SEMA6D: variants seen among roughly 807,000 people sequenced by gnomAD.
SEMA6D encodes semaphorin 6D, also known as semaphorin-6D.
A neutral mutation model predicts 106.6 loss-of-function variants in SEMA6D; 35 were observed. The observed-to-expected ratio is 0.33, with a 90% confidence interval of 0.25 to 0.44. The LOEUF (loss-of-function observed/expected upper bound fraction) is 0.44. SEMA6D is among the 20% of genes least tolerant of loss of function. The probability of loss-of-function intolerance (pLI) is 1.00; values close to 1 mark genes in which losing one functional copy is unlikely to be tolerated. For missense variants in SEMA6D, 1,185 were observed against 1,345.9 expected (o/e 0.88, Z 1.87); for synonymous variants, 499 against 487.7 (o/e 1.02, Z -0.31).
At chr15:47,686,930 A>C (rs8026338) in intron 4 of SEMA6D, among the ~76,000 whole-genome samples, 1 of 151,550 alleles carries the variant, frequency 6.6e-6, no homozygotes, top group Non-Finnish European at 1.5e-5. Context: ...TCTAAGAGGG[A>C]TGGCTTGTAC....
intron 4 of SEMA6D, among the ~76,000 whole-genome samples, chr15:47,702,508 C>T (rs1429319796): frequency 6.6e-6 from 1 of 152,202 alleles, no homozygotes; most frequent in Non-Finnish European, 1.5e-5. Flanking sequence ...CCAACAATCG[C>T]ACATTTTAGT....
intron 1 of SEMA6D, among the ~76,000 whole-genome samples, chr15:47,355,700 TAAAG>T (rs1309876849): frequency 1.3e-5 from 2 of 152,122 alleles, no homozygotes; most frequent in Non-Finnish European, 2.9e-5. Context: ...AAGGAAAAAA[TAAAG>T]AACCCAATAC....
chr15:47,272,879 G>A (rs932926506), intron 1 of SEMA6D: 5 of 152,192 alleles, frequency 3.3e-5, no homozygotes, highest in Admixed American at 6.6e-5. Flanking sequence ...GGAAATTTTT[G>A]TGAGGAATTT....
At chr15:47,295,945 A>G (rs368433708) in intron 1 of SEMA6D, among the ~76,000 whole-genome samples, 3 of 152,248 alleles carry the variant, frequency 2.0e-5, no homozygotes, top group South Asian at 2.1e-4. Context: ...TGCTGCCTCC[A>G]TGACTAGCCT....
intron 1 of SEMA6D, among the ~76,000 whole-genome samples, chr15:47,734,359 T>G (rs1436982532): frequency 6.6e-6 from 1 of 152,200 alleles, no homozygotes; most frequent in Non-Finnish European, 1.5e-5. Context: ...GTAGCATCAG[T>G]TTCCTGGGTA....
At chr15:47,632,149 C>A (rs2077304073) in intron 4 of SEMA6D, among the ~76,000 whole-genome samples, 1 of 151,616 alleles carries the variant, frequency 6.6e-6, no homozygotes, top group Admixed American at 6.6e-5. Flanking sequence ...AGTTTGATTC[C>A]ATTTTGGTCA....
intron 2 of SEMA6D, among the ~76,000 whole-genome samples, chr15:47,450,514 TC>T (rs899831889): frequency 6.6e-6 from 1 of 152,102 alleles, no homozygotes; most frequent in African/African-American, 2.4e-5. Flanking sequence ...AGGTGGGCTT[TC>T]TTCTCAGAAA....
intron 4 of SEMA6D, among the ~76,000 whole-genome samples, chr15:47,674,078 C>T (rs1035154588): frequency 6.6e-6 from 1 of 152,124 alleles, no homozygotes; most frequent in East Asian, 1.9e-4. Context: ...ATGGGACAGC[C>T]GTGTCTCAAC....
chr15:47,500,502 A>G (rs1596165059), intron 3 of SEMA6D, among the ~76,000 whole-genome samples: 1 of 152,272 alleles, frequency 6.6e-6, no homozygotes, highest in Middle Eastern at 3.4e-3. Flanking sequence ...TATAAATTTA[A>G]TAAAAACAGA....
At chr15:47,715,707 C>G (rs1297721259), upstream of SEMA6D, among the ~76,000 whole-genome samples, 1 of 152,206 alleles carries the variant, frequency 6.6e-6, no homozygotes, top group African/African-American at 2.4e-5. Flanking sequence ...GCAAATTGCA[C>G]TCTTCAGGTG....
At chr15:47,358,710 G>A (rs1472554502) in intron 1 of SEMA6D, among the ~76,000 whole-genome samples, 1 of 152,244 alleles carries the variant, frequency 6.6e-6, no homozygotes, top group African/African-American at 2.4e-5. Context: ...CAGCACCAGT[G>A]TGCATGGAGA....
chr15:47,250,563 G>A (rs1362607343), intron 1 of SEMA6D, among the ~76,000 whole-genome samples: 5 of 152,078 alleles, frequency 3.3e-5, no homozygotes, highest in South Asian at 2.1e-4. Flanking sequence ...CTTTCTTTAC[G>A]TAATTTTTCA....
chr15:47,758,442 TGA>T (rs956794258), intron 1 of SEMA6D, among the ~76,000 whole-genome samples: 6 of 151,050 alleles, frequency 4.0e-5, no homozygotes, highest in African/African-American at 1.2e-4. Context: ...CAGTTTTGGT[TGA>T]GGGGGGGGTG....
chr15:47,214,000 T>C (rs935202797), intron 1 of SEMA6D, among the ~76,000 whole-genome samples: 5 of 152,158 alleles, frequency 3.3e-5, no homozygotes, highest in Admixed American at 2.6e-4. Flanking sequence ...TCTGGCATGC[T>C]GGTGGTGGCT....
intron 1 of SEMA6D, among the ~76,000 whole-genome samples, chr15:47,331,481 G>A (rs1004620636): frequency 3.3e-5 from 5 of 151,992 alleles, no homozygotes; most frequent in Non-Finnish European, 5.9e-5. Flanking sequence ...AATTATATAG[G>A]GAAATGTTAA....
rs73392889 is a variant in SEMA6D, at chr15:47,691,168, T to C, written c.-54-68577T>C. ...GATGATGTTCACTTTGATCACTTGG[T>C]TAAAGCAGAGTCTTCCATGTTGCTC... On this transcript the variant is annotated intron_variant, in intron 4 of 19. Transcript: ENST00000558014. Among the ~76,000 whole-genome samples, 1,100 of 152,322 alleles carry C rather than the reference T, an allele frequency of 7.2e-3. 11 individuals carry two copies. Among genetic ancestry groups the C allele is most frequent in the African/African-American group, 0.026 (1,065 of 41,572 alleles).
At chr15:47,491,935 CT>C (rs1260406279) in intron 3 of SEMA6D, among the ~76,000 whole-genome samples, 1 of 152,138 alleles carries the variant, frequency 6.6e-6, no homozygotes, top group Non-Finnish European at 1.5e-5. Context: ...GCTTCTACTC[CT>C]TTCTATTGTA....
intron 1 of SEMA6D, chr15:47,395,491 G>A (rs577594742): frequency 8.5e-5 from 13 of 152,230 alleles, no homozygotes; most frequent in Admixed American, 2.0e-4. Context: ...AAGACCCTTC[G>A]TTAATTATTG....
In SEMA6D at chr15:47,764,995, A is replaced by T; in HGVS notation, c.1366A>T (p.Ser456Cys). ...GGTACTTAAAGTTCTGGCAAAGACCAGTCCTTTCTCTTTGAACGACAGCGT... is the reference window on the plus strand; with the variant it reads ...GGTACTTAAAGTTCTGGCAAAGACCTGTCCTTTCTCTTTGAACGACAGCGT... ...GMVLKVLAKT[S>C]PFSLNDSVLL... Residue 456 changes from serine to cysteine, a missense_variant, in exon 13 of 19, where the codon AGT becomes TGT. Coordinates refer to ENST00000536845, the MANE Select transcript of SEMA6D (RefSeq NM_001358351.3). 6.2e-7 allele frequency: 1 copy of T among 1,613,944 alleles called. No homozygotes were observed. The highest frequency in any genetic ancestry group is 8.5e-7 in the Non-Finnish European group (1 of 1,179,854).
Sources: gnomAD v4.1 joint callset for allele counts (sites outside exome capture counted in the v4.1 genomes callset) on GRCh38, gnomAD v4.1.1 for gene constraint, MANE v1.5 for transcripts, NCBI Gene and HGNC (gene_info 2026-07-23, HGNC 2026-07-21) for gene names.